Variants in SMARCC2 observed in about 807,000 individuals in gnomAD.
SMARCC2 encodes SWI/SNF related BAF chromatin remodeling complex subunit C2, also known as SWI/SNF complex subunit SMARCC2.
Under a neutral mutation model 151.3 loss-of-function variants are expected in SMARCC2, and 15 were observed. The ratio of observed to expected loss-of-function variants is 0.10; its 90% confidence interval spans 0.07 to 0.15. The LOEUF (loss-of-function observed/expected upper bound fraction) is 0.15, where lower values mean the gene tolerates loss of function less well. Among genes scored for constraint, SMARCC2 ranks in the 10% least tolerant of loss-of-function variants. SMARCC2 has a pLI of 1.00. For synonymous variants in SMARCC2, 590 were observed against 609.5 expected, an observed-to-expected ratio of 0.97 and a Z score of 0.47; for missense variants, 1,031 against 1,599.7, an observed-to-expected ratio of 0.64 and a Z score of 6.06.
At chr12:56,183,465 G>A (rs1876649753) in intron 7 of SMARCC2, 1 of 161,208 alleles carries the variant, frequency 6.2e-6, no homozygotes, top group South Asian at 1.6e-4. Context: ...ACCATGCCAG[G>A]CCTACATGCT....
At chr12:56,165,133 A>G (rs189385051) in intron 27 of SMARCC2, among the ~76,000 whole-genome samples, 185 bp downstream of exon 27, 10 of 152,348 alleles carry the variant, frequency 6.6e-5, no homozygotes, top group Admixed American at 3.9e-4. Context: ...TAAGTGAATA[A>G]AATTCCAAAG....
At chr12:56,188,010 C>A (rs76728457) in intron 1 of SMARCC2, among the ~76,000 whole-genome samples, 2 of 152,318 alleles carry the variant, frequency 1.3e-5, no homozygotes, top group African/African-American at 4.8e-5. Context: ...CTAATTTGAA[C>A]CTGAGCCAGG....
Position 56,173,045 on chromosome 12 carries a change from T to G in SMARCC2, c.1651-16A>C, listed in dbSNP as rs767424665. Reference sequence around the variant, plus strand: ...CCTGGCGGCCCTGGGGGACAGAGCTTGGCGTCATGGAGGCTGGGCAGGAAA... The same window carrying G: ...CCTGGCGGCCCTGGGGGACAGAGCTGGGCGTCATGGAGGCTGGGCAGGAAA... On this transcript the variant is annotated splice_polypyrimidine_tract_variant and intron_variant, in intron 17 of 28. Coordinates refer to ENST00000550164, the MANE Select transcript of SMARCC2 (RefSeq NM_001330288.2). The G allele has an allele frequency of 8.7e-6, 14 of 1,613,010 alleles. No homozygotes were observed. The highest frequency in any genetic ancestry group is 6.8e-6 in the Non-Finnish European group (8 of 1,179,258).
chr12:56,167,373 A>T (rs892219271), intron 26 of SMARCC2, among the ~76,000 whole-genome samples: 1 of 152,006 alleles, frequency 6.6e-6, no homozygotes, highest in African/African-American at 2.4e-5. Context: ...ATAAATAAAT[A>T]AAATAAATTG....
At position 56,172,499 on chromosome 12, in the gene SMARCC2, GA is replaced by G. The variant is rs1389185546; in HGVS notation, c.1864-10del. 6 of 1,605,800 alleles carry G rather than the reference GA, an allele frequency of 3.7e-6. No individual in the cohort carries two copies. The South Asian group carries it at 6.6e-5, about 18-fold the overall frequency. On this transcript the variant is annotated splice_polypyrimidine_tract_variant and intron_variant, in intron 19 of 28. Transcript: ENST00000550164. ...CTGGCTGCAGCCTTGCTCTGCAGGG[GA>G]AACACAGGCAGGTGAGAAGAAAGGA... is the stretch of plus-strand genomic sequence containing the variant.
rs954789778 is a variant in SMARCC2 at position 56,162,529 on chromosome 12, A to G, written c.*1160T>C. The G allele has an allele frequency of 1.8e-4, 96 of 534,270 alleles. No homozygotes were observed. The highest frequency in any genetic ancestry group is 1.4e-3 in the African/African-American group (74 of 52,328). The allele number at this position is 534,270 out of a possible 1,614,324, so 33.1% of individuals were successfully genotyped here. ...GGGAGGAACCAAGAAGAACCAGTGCAGAGCCTGGAGTCACACCTGCCTTCC... is the reference window on the plus strand; with the variant it reads ...GGGAGGAACCAAGAAGAACCAGTGCGGAGCCTGGAGTCACACCTGCCTTCC... On this transcript the variant is annotated 3_prime_UTR_variant, in exon 29 of 29. Coordinates refer to ENST00000550164, the MANE Select transcript of SMARCC2 (RefSeq NM_001330288.2).
intron 7 of SMARCC2, 24 bp downstream of exon 7, chr12:56,183,837 C>A: frequency 6.3e-7 from 1 of 1,592,772 alleles, no homozygotes; most frequent in Non-Finnish European, 8.6e-7. Flanking sequence ...TATACTTAAA[C>A]CTGCCCCAGG....
intron 27 of SMARCC2, 136 bp from the exon 28 acceptor site, chr12:56,164,867 C>G: frequency 1.4e-6 from 1 of 720,670 alleles, no homozygotes; most frequent in Non-Finnish European, 2.2e-6. Context: ...TGGCTCACTG[C>G]AACCTCCGCC....
intron 16 of SMARCC2, 100 bp from the exon 17 acceptor site, chr12:56,173,949 A>G: frequency 9.2e-7 from 1 of 1,086,690 alleles, no homozygotes; most frequent in South Asian, 1.5e-5. Context: ...CCCCCTCCCC[A>G]CCCAACCCCG....
At chr12:56,182,514 G>A (rs1876427522) in intron 7 of SMARCC2, among the ~76,000 whole-genome samples, 1 of 151,448 alleles carries the variant, frequency 6.6e-6, no homozygotes, top group Admixed American at 6.6e-5. Context: ...TAGTACAGAC[G>A]GGGTTTCACC....
intron 27 of SMARCC2, 96 bp downstream of exon 27, chr12:56,165,222 C>G: frequency 7.2e-7 from 1 of 1,384,548 alleles, no homozygotes; most frequent in African/African-American, 1.5e-5. Flanking sequence ...TGAGGCTAAC[C>G]TCATCTCCAC....
intron 27 of SMARCC2, 140 bp downstream of exon 27, chr12:56,165,178 G>A (rs1872548400): frequency 9.3e-7 from 1 of 1,075,856 alleles, no homozygotes; most frequent in Admixed American, 2.8e-5. Context: ...TGCTGATTTA[G>A]GGGCCTAAGA....
intron 22 of SMARCC2, 90 bp from the exon 23 acceptor site, chr12:56,170,298 C>T (rs1369797009): frequency 1.7e-6 from 2 of 1,163,404 alleles, no homozygotes; most frequent in Non-Finnish European, 1.3e-6. Context: ...GAGACAGGGT[C>T]TTGCTGTGTT....
At chr12:56,180,940 G>T in intron 11 of SMARCC2, 37 bp downstream of exon 11, 2 of 1,586,508 alleles carry the variant, frequency 1.3e-6, no homozygotes, top group Non-Finnish European at 8.6e-7. Flanking sequence ...AAGACGGGGA[G>T]TGGGGGTGGA....
At position 56,164,327 on chromosome 12, in the gene SMARCC2, G is replaced by A. The variant is rs1872358884; in HGVS notation, c.3637C>T (p.Leu1213=). The A allele has an allele frequency of 6.2e-7, 1 of 1,613,280 alleles. No homozygotes were observed. Among genetic ancestry groups the A allele is most frequent in the South Asian group, 1.1e-5 (1 of 91,060 alleles). The change falls in exon 28 of 29, where the codon CTG becomes TTG. Residue 1213 remains leucine (L), a synonymous_variant. Transcript: ENST00000550164. ...CCTGGCAGTGGGCTGGCACTGGGCA[G>A]GAGGTTGCCCTGAACAGCTGCCACA... The part of the protein sequence containing the change: ...AIVAAVQGNL[L]PSASPLPDPG...
rs1763311922 is a variant in SMARCC2 at position 56,163,703 on chromosome 12, G to A, written c.3724C>T (p.Pro1242Ser). Residue 1242 changes from proline (P) to serine (S), a missense_variant, in exon 29 of 29, where the codon CCA becomes TCA. Transcript: ENST00000550164. ...TGGCTGGCTCCTCACTGTGGAGGTGGCACAGGGGTGACCGTGCCTGGGCTC... is the reference window on the plus strand; with the variant it reads ...TGGCTGGCTCCTCACTGTGGAGGTGACACAGGGGTGACCGTGCCTGGGCTC... ...APSPGTVTPV[P>S]PPQ 2 of 1,504,180 alleles carry A rather than the reference G, an allele frequency of 1.3e-6. No homozygotes were observed. The highest frequency in any genetic ancestry group is 1.8e-6 in the Non-Finnish European group (2 of 1,133,714). The allele number at this position is 1,504,180 out of a possible 1,614,324, so 93.2% of individuals were successfully genotyped here. A position where few individuals can be genotyped will look rare whatever the true frequency, so the allele number is the denominator to read the frequency against.
intron 25 of SMARCC2, among the ~76,000 whole-genome samples, chr12:56,168,556 T>G (rs983533210): frequency 6.6e-6 from 1 of 152,054 alleles, no homozygotes; most frequent in African/African-American, 2.4e-5. Context: ...GTGTTTTTAG[T>G]AGAGATGGGG....
intron 11 of SMARCC2, among the ~76,000 whole-genome samples, chr12:56,179,302 C>T (rs535754044): frequency 6.6e-6 from 1 of 152,200 alleles, no homozygotes; most frequent in Non-Finnish European, 1.5e-5. Flanking sequence ...CTTTGACAGG[C>T]CTTTATCTCC....
At chr12:56,179,279 A>G (rs1875647199) in intron 11 of SMARCC2, among the ~76,000 whole-genome samples, 1 of 152,240 alleles carries the variant, frequency 6.6e-6, no homozygotes, top group African/African-American at 2.4e-5. Context: ...GTACATTCAT[A>G]AATGATTCTT....
Sources: gnomAD v4.1 joint callset for allele counts (sites outside exome capture counted in the v4.1 genomes callset) on GRCh38, gnomAD v4.1.1 for gene constraint, MANE v1.5 for transcripts, NCBI Gene and HGNC (gene_info 2026-07-23, HGNC 2026-07-21) for gene names.